Variants in IL31RA observed in about 807,000 individuals in gnomAD.
IL31RA encodes the protein interleukin-31 receptor subunit alpha.
In IL31RA, 66 loss-of-function variants were observed where a neutral mutation model predicts 83.7. The observed-to-expected ratio is 0.79, with a 90% CI of 0.65 to 0.97. The LOEUF (loss-of-function observed/expected upper bound fraction) is 0.97, where lower values mean the gene tolerates loss of function less well. Ranked by LOEUF, IL31RA falls within the 50% of genes least tolerant of loss-of-function variation. The pLI is 0.00. For synonymous variants in IL31RA, 325 were observed against 329.0 expected (o/e 0.99, Z 0.13); for missense variants, 798 against 919.4 (o/e 0.87, Z 1.71).
chr5:55,916,975 AG>A lies in IL31RA; in HGVS notation c.2151del (p.Glu717AspfsTer10). On this transcript the variant is annotated frameshift_variant, in exon 15 of 15. Transcript: ENST00000652347. LOFTEE classifies it low-confidence loss of function (END_TRUNC). ...GAGGGGACCCGCCCAGAAGCCAAAG[AG>A]CAGCTTCTCTTTTCTGGTCAAAGTT... ...MPEGTRPEAK[E>X]QLLFSGQSLV... 6.2e-7 allele frequency: 1 copy of A among 1,614,048 alleles called. No individual in the cohort carries two copies. Among genetic ancestry groups the A allele is most frequent in the Non-Finnish European group, 8.5e-7 (1 of 1,179,952 alleles).
intron 1 of IL31RA, chr5:55,853,214 T>C (rs898536630): frequency 1.8e-5 from 13 of 714,076 alleles, no homozygotes; most frequent in Middle Eastern, 5.6e-4. Flanking sequence ...AAGGACTTCC[T>C]GAAGAGAAAA....
At chr5:55,855,481 G>T (rs1417090791) in intron 1 of IL31RA, among the ~76,000 whole-genome samples, 1 of 152,142 alleles carries the variant, frequency 6.6e-6, no homozygotes, top group Non-Finnish European at 1.5e-5. Flanking sequence ...ATGTATGAAT[G>T]AATGAACCAA....
Position 55,906,251 on chromosome 5 carries a change from AT to A in IL31RA, c.1216del (p.Ser406LeufsTer15). ...DSEPTTLSWE[S>X]VSQATNWTIQ... is the part of the protein sequence containing the mutation. ...CAGAGCCCACCACCCTTTCCTGGGAATCTGTGTCTCAGGCCACGAACTGGAC... is the reference window on the plus strand; with the variant it reads ...CAGAGCCCACCACCCTTTCCTGGGAACTGTGTCTCAGGCCACGAACTGGAC... On this transcript the variant is annotated frameshift_variant, in exon 9 of 15. Transcript: ENST00000652347. LOFTEE classifies it high-confidence loss of function. 8.1e-6 allele frequency: 13 copies of A among 1,614,154 alleles called. No homozygotes were observed. Among genetic ancestry groups the A allele is most frequent in the Non-Finnish European group, 1.1e-5 (13 of 1,180,010 alleles).
At chr5:55,901,344 T>C (rs528983859) in intron 8 of IL31RA, among the ~76,000 whole-genome samples, 1 of 152,160 alleles carries the variant, frequency 6.6e-6, no homozygotes, top group African/African-American at 2.4e-5. Context: ...GGCCCCAGGA[T>C]GGGAGGTGGT....
rs1395662976 is a variant in IL31RA, at chr5:55,851,601, A to G, written c.31A>G (p.Thr11Ala). 1.4e-5 allele frequency: 23 copies of G among 1,613,950 alleles called. No homozygotes were observed. The highest frequency in any genetic ancestry group is 1.9e-5 in the Non-Finnish European group (23 of 1,179,860). Residue 11 changes from threonine (T) to alanine (A), a missense_variant, in exon 1 of 15, where the codon ACG becomes GCG. Thr to Ala is a moderately conservative substitution (Grantham distance 58). Transcript: ENST00000652347. The stretch of plus-strand genomic sequence containing the variant: ...CATCAGGCAACTCAAGTTTTTCACC[A>G]CGGCATGTGTCTGTGAATGTCCGCA... MCIRQLKFFT[T>A]ACVCECPQNI...
chr5:55,896,017 A>G (rs1748310221), intron 6 of IL31RA, among the ~76,000 whole-genome samples: 1 of 152,206 alleles, frequency 6.6e-6, no homozygotes, highest in South Asian at 2.1e-4. Flanking sequence ...TATAATATAT[A>G]TGTTAGATCT....
At chr5:55,876,682 T>G (rs1746871482) in intron 4 of IL31RA, among the ~76,000 whole-genome samples, 1 of 152,266 alleles carries the variant, frequency 6.6e-6, no homozygotes, top group Non-Finnish European at 1.5e-5. Context: ...TTTTCATCCT[T>G]TCACTTTCAA....
intron 2 of IL31RA, among the ~76,000 whole-genome samples, chr5:55,867,335 GTA>G (rs903293406): frequency 4.0e-5 from 6 of 151,508 alleles, no homozygotes; most frequent in Non-Finnish European, 5.9e-5. Flanking sequence ...GTGTGTGTGT[GTA>G]TGTTTAGGAT....
At chr5:55,889,696 C>G (rs1747860822) in intron 5 of IL31RA, among the ~76,000 whole-genome samples, 1 of 152,130 alleles carries the variant, frequency 6.6e-6, no homozygotes, top group South Asian at 2.1e-4. Context: ...GCTCTGCTCA[C>G]CCAGACCAGG....
At chr5:55,843,046 C>G in the IL31RA span, among the ~76,000 whole-genome samples, 2 of 152,294 alleles carry the variant, frequency 1.3e-5, no homozygotes, top group South Asian at 4.1e-4. Flanking sequence ...CCCCACCACC[C>G]CTTCTGTTCA....
At chr5:55,866,856 A>G (rs933987987) in intron 2 of IL31RA, 5 of 152,226 alleles carry the variant, frequency 3.3e-5, no homozygotes, top group Non-Finnish European at 5.9e-5. Context: ...GTTAGAAGTG[A>G]TCAGCTTTTT....
At chr5:55,896,999 A>AT (rs1748425870) in intron 7 of IL31RA, among the ~76,000 whole-genome samples, 12 of 628 alleles carry the variant, frequency 0.019, 2 homozygotes, top group Admixed American at 0.016. Context: ...AAAAAAAAAA[A>AT]AATATATATA....
chr5:55,888,933 A>G (rs1278120049), intron 5 of IL31RA, among the ~76,000 whole-genome samples: 2 of 152,192 alleles, frequency 1.3e-5, no homozygotes, highest in African/African-American at 2.4e-5. Context: ...AGGAGCTGCA[A>G]TTAGGTACTA....
chr5:55,879,100 G>A (rs2112417677), intron 4 of IL31RA, among the ~76,000 whole-genome samples: 1 of 152,228 alleles, frequency 6.6e-6, no homozygotes, highest in East Asian at 1.9e-4. Flanking sequence ...TATGAGCAGT[G>A]CCTGGCTCTT....
chr5:55,910,933 G>A (rs758047732), intron 12 of IL31RA, among the ~76,000 whole-genome samples: 27 of 152,182 alleles, frequency 1.8e-4, no homozygotes, highest in Non-Finnish European at 4.0e-4. Context: ...TCATCTGGAG[G>A]AGGAGGTGTC....
chr5:55,911,281 C>T (rs1365401285), intron 12 of IL31RA, among the ~76,000 whole-genome samples: 2 of 152,128 alleles, frequency 1.3e-5, no homozygotes, highest in Non-Finnish European at 2.9e-5. Context: ...ACTATGAGAA[C>T]AGTATGGGGG....
chr5:55,849,511 T>C (rs1745004319), upstream of IL31RA, among the ~76,000 whole-genome samples: 1 of 152,214 alleles, frequency 6.6e-6, no homozygotes, highest in Non-Finnish European at 1.5e-5. Flanking sequence ...TTTTCTTATA[T>C]AACATTTTCT....
chr5:55,866,154 A>G (rs978173871), intron 2 of IL31RA, among the ~76,000 whole-genome samples: 2 of 152,054 alleles, frequency 1.3e-5, no homozygotes, highest in Non-Finnish European at 2.9e-5. Context: ...GGGCACAGGG[A>G]AATTTCTGGA....
chr5:55,883,211 A>C lies in IL31RA; in HGVS notation c.606+16A>C. On this transcript the variant is annotated intron_variant, in intron 5 of 14. Transcript: ENST00000652347. ...TACCAGCTGGGTAAGTTATGCCATT[A>C]TAATAATATTCCAATTAGAGGCCCA... 1 of 1,601,526 alleles carries C rather than the reference A, an allele frequency of 6.2e-7. No homozygotes were observed. The highest frequency in any genetic ancestry group is 8.6e-7 in the Non-Finnish European group (1 of 1,169,050).
Sources: allele counts gnomAD v4.1 joint callset (sites outside exome capture counted in the v4.1 genomes callset), GRCh38; gene constraint gnomAD v4.1.1; transcripts MANE v1.5; gene names NCBI Gene and HGNC (gene_info 2026-07-23, HGNC 2026-07-21).